The following TSR1 variants were observed in gnomAD, a reference collection of about 807,000 sequenced individuals.
TSR1 encodes the protein TSR1 ribosome maturation factor, also known as pre-rRNA-processing protein TSR1 homolog.
TSR1 carries 81 observed loss-of-function variants against 90.9 expected under a neutral mutation model. The ratio of observed to expected loss-of-function variants is 0.89; its 90% CI spans 0.74 to 1.07. TSR1 has a LOEUF of 1.07. Ranked by LOEUF, TSR1 falls within the 50% of genes least tolerant of loss-of-function variation. The probability of loss-of-function intolerance (pLI) is 0.00; values close to 1 mark genes in which losing one functional copy is unlikely to be tolerated. For synonymous variants in TSR1, 362 were observed against 348.8 expected (o/e 1.04, Z -0.42); for missense variants, 989 against 987.3 (o/e 1.00, Z -0.02).
In TSR1 at chr17:2,323,002, T is replaced by C. The variant is rs2075546042; in HGVS notation, c.*1194A>G. ...CTGGTCTTGAACTCCTGACCTCAGCTGATCCACCCGCCTCGGGCTCCCAAA... is the reference window on the plus strand; with the variant it reads ...CTGGTCTTGAACTCCTGACCTCAGCCGATCCACCCGCCTCGGGCTCCCAAA... On this transcript the variant is annotated 3_prime_UTR_variant, in exon 15 of 15. Transcript: ENST00000301364. The C allele has an allele frequency of 1.2e-6, 1 of 845,820 alleles. No homozygotes were observed. The highest frequency in any genetic ancestry group is 2.4e-5 in the Admixed American group (1 of 41,910). 52.4% of individuals were successfully genotyped at this position (845,820 alleles called of 1,614,324 possible).
In TSR1 at chr17:2,324,190, A is replaced by T; in HGVS notation, c.*6T>A. ...GCACCGGTAAGACAGAATCTCTTTG[A>T]ATCCATTACTCCATGCCCCCTTGAG... On this transcript the variant is annotated 3_prime_UTR_variant, in exon 15 of 15. Coordinates refer to ENST00000301364, the MANE Select transcript of TSR1 (RefSeq NM_018128.5). The T allele has an allele frequency of 1.3e-6, 2 of 1,516,058 alleles. No individual in the cohort carries two copies. The highest frequency in any genetic ancestry group is 1.9e-4 in the Middle Eastern group (1 of 5,380). 93.9% of individuals were successfully genotyped at this position (1,516,058 alleles called of 1,614,324 possible).
Position 2,335,464 on chromosome 17 carries a change from AAT to A in TSR1, c.421+45_421+46del, listed in dbSNP as rs1555585101. 3.2e-6 allele frequency: 5 copies of A among 1,583,840 alleles called. No homozygotes were observed. In the African/African-American group the frequency reaches 4.1e-5, roughly 13 times the overall value. On this transcript the variant is annotated intron_variant, in intron 3 of 14. Coordinates refer to ENST00000301364, the MANE Select transcript of TSR1 (RefSeq NM_018128.5). ...CATTATTCTAAAAAAAAAAAAAAAA[AAT>A]ACCACTACTCAAACATAATACAAAA...
Position 2,333,094 on chromosome 17 carries a change from T to A in TSR1, c.1172A>T (p.Lys391Met). The change falls in exon 7 of 15, where the codon AAG becomes ATG. Residue 391 changes from lysine to methionine, a missense_variant. Transcript: ENST00000301364. ...ACTGGATGTTCCTTTGGGGACCTTC[T>A]TTACCACCTTAGAACTTTCCTTCAA... ...DFLKESSKVV[K>M]KVPKGTSSYQ... 1 of 1,614,112 alleles carries A rather than the reference T, an allele frequency of 6.2e-7. No individual in the cohort carries two copies. The highest frequency in any genetic ancestry group is 8.5e-7 in the Non-Finnish European group (1 of 1,179,998).
At position 2,323,405 on chromosome 17, in the gene TSR1, A is replaced by G. The variant is rs1597271828; in HGVS notation, c.*791T>C. On this transcript the variant is annotated 3_prime_UTR_variant, in exon 15 of 15. Transcript: ENST00000301364. ...TGGTGTAACTTCTTAGGCAGAAGAA[A>G]CTTCCCTTAGGAGTAGCAAGTGACC... 12 of 1,598,008 alleles carry G rather than the reference A, an allele frequency of 7.5e-6. No individual in the cohort carries two copies. The East Asian group carries it at 2.2e-4, about 30-fold the overall frequency.
chr17:2,331,828 C>G (rs1394157185), intron 8 of TSR1, among the ~76,000 whole-genome samples: 1 of 152,214 alleles, frequency 6.6e-6, no homozygotes, highest in Non-Finnish European at 1.5e-5. Flanking sequence ...TCTACTTCTT[C>G]ACTCTTCTAC....
Position 2,330,946 on chromosome 17 carries a change from C to T in TSR1, c.1659+1G>A, listed in dbSNP as rs776685696. The T allele has an allele frequency of 2.1e-5, 33 of 1,583,510 alleles. No individual in the cohort carries two copies. Among genetic ancestry groups the T allele is most frequent in the Non-Finnish European group, 2.6e-5 (31 of 1,169,938 alleles). Reference sequence around the variant, plus strand: ...ACAAGATGAACAAGGAGGATAGATACCTCAGCTCCTTCAACCTCTTTTTCT... The same window carrying T: ...ACAAGATGAACAAGGAGGATAGATATCTCAGCTCCTTCAACCTCTTTTTCT... On this transcript the variant is annotated splice_donor_variant, in intron 9 of 14. Transcript: ENST00000301364. LOFTEE classifies it high-confidence loss of function.
rs61733093 is a variant in TSR1 at position 2,335,383 on chromosome 17, C to T, written c.433G>A (p.Val145Ile). The T allele has an allele frequency of 2.3e-3, 3,696 of 1,612,506 alleles. 90 individuals carry two copies. In the African/African-American group the frequency reaches 0.043, roughly 19 times the overall value. The change falls in exon 4 of 15, where the codon GTT (valine) becomes ATT (isoleucine). Residue 145 changes from valine to isoleucine, a missense_variant. By Grantham distance (29) the Val-to-Ile change is conservative. Transcript: ENST00000301364. ...GCTACTTTAGCCATGTCTAACACAA[C>T]GTGCAGATCCCCTGCAGATAGAAGA... ...FTSARPGDLH[V>I]VLDMAKVADT...
chr17:2,329,438 C>T lies in TSR1; in HGVS notation c.1808G>A (p.Gly603Asp). 1.9e-6 allele frequency: 3 copies of T among 1,614,118 alleles called. No individual in the cohort carries two copies. The highest frequency in any genetic ancestry group is 2.5e-6 in the Non-Finnish European group (3 of 1,180,030). ...CTTGGCTTTCACAGGTTCAGTGTTG[C>T]CAGGGTCACGCCTCACCACCATATT... ...VLNMVVRRDP[G>D]NTEPVKAKEE... The change falls in exon 11 of 15, where the codon GGC (glycine) becomes GAC (aspartate). Residue 603 changes from glycine to aspartate, a missense_variant. By Grantham distance (94) the Gly-to-Asp change is moderately conservative. Coordinates refer to ENST00000301364, the MANE Select transcript of TSR1 (RefSeq NM_018128.5).
At chr17:2,329,922 CT>C (rs879573174) in intron 10 of TSR1, among the ~76,000 whole-genome samples, 384 of 145,764 alleles carry the variant, frequency 2.6e-3, no homozygotes, top group Non-Finnish European at 2.8e-3. Context: ...TTGGCATAAA[CT>C]TTTTTTTTTT....
Position 2,324,386 on chromosome 17 carries a change from T to C in TSR1, c.2237-12A>G. 6.3e-7 allele frequency: 1 copy of C among 1,583,144 alleles called. No individual in the cohort carries two copies. Among genetic ancestry groups the C allele is most frequent in the Non-Finnish European group, 8.6e-7 (1 of 1,166,592 alleles). ...GTGGCCATGGGTACCTAGAAAGACA[T>C]CAGAACAAGTCGGTCAAATTAAAAG... On this transcript the variant is annotated splice_polypyrimidine_tract_variant and intron_variant, in intron 14 of 14. Transcript: ENST00000301364.
intron 8 of TSR1, 118 bp downstream of exon 8, chr17:2,332,051 C>T (rs1208255621): frequency 8.8e-7 from 1 of 1,139,228 alleles, no homozygotes; most frequent in Non-Finnish European, 1.3e-6. Context: ...AATGTTAGCT[C>T]TTCAGGAGCA....
chr17:2,324,136 T>C lies in TSR1; in HGVS notation c.*60A>G. The stretch of plus-strand genomic sequence containing the variant: ...AAATAAACTTTGCCCAATCACAACT[T>C]GTGCCTCCCATCCCTGGAGTACTGA... On this transcript the variant is annotated 3_prime_UTR_variant, in exon 15 of 15. Coordinates refer to ENST00000301364, the MANE Select transcript of TSR1 (RefSeq NM_018128.5). 6.6e-7 allele frequency: 1 copy of C among 1,505,792 alleles called. No individual in the cohort carries two copies. The highest frequency in any genetic ancestry group is 8.8e-7 in the Non-Finnish European group (1 of 1,130,210). 93.3% of individuals were successfully genotyped at this position (1,505,792 alleles called of 1,614,324 possible).
At chr17:2,328,722 C>G (rs1254048560) in intron 11 of TSR1, among the ~76,000 whole-genome samples, 2 of 151,410 alleles carry the variant, frequency 1.3e-5, no homozygotes, top group African/African-American at 4.9e-5. Flanking sequence ...AGAGACCATC[C>G]TGGCTAACAC....
chr17:2,333,163 C>G (rs1245956032), intron 6 of TSR1, 39 bp from the exon 7 acceptor site: 3 of 1,608,344 alleles, frequency 1.9e-6, no homozygotes, highest in Admixed American at 1.7e-5. Context: ...TTACAGACTT[C>G]TTTTCCCTAT....
chr17:2,335,232 G>T (rs748029110), intron 4 of TSR1, 28 bp downstream of exon 4: 1 of 1,608,518 alleles, frequency 6.2e-7, no homozygotes. Flanking sequence ...ACAAATTAAA[G>T]GTGCACAATA....
Position 2,336,339 on chromosome 17 carries a change from T to G in TSR1, c.89A>C (p.Asp30Ala). 6.2e-7 allele frequency: 1 copy of G among 1,614,088 alleles called. No individual in the cohort carries two copies. Among genetic ancestry groups the G allele is most frequent in the East Asian group, 2.2e-5 (1 of 44,892 alleles). The change falls in exon 1 of 15, where the codon GAC becomes GCC. Residue 30 changes from aspartate (D) to alanine (A), a missense_variant. Physicochemically the swap from Asp to Ala is moderately radical, Grantham distance 126 (BLOSUM62 -2). Coordinates refer to ENST00000301364, the MANE Select transcript of TSR1 (RefSeq NM_018128.5). ...CTACGTTATCTCCTTACCCTTGCCG[T>G]CCCGCTGTGCAGATCCCCGACCCCG... ...RHRGRGSAQR[D>A]GKGRLALKTL...
In TSR1 at chr17:2,322,489, A is replaced by C. The variant is rs889887292; in HGVS notation, c.*1707T>G. ...GCTCTTACTTGGGCAGAAATGTATTACTTATTGTGCCTATTTTCTTTTTTT... is the reference window on the plus strand; with the variant it reads ...GCTCTTACTTGGGCAGAAATGTATTCCTTATTGTGCCTATTTTCTTTTTTT... On this transcript the variant is annotated 3_prime_UTR_variant, in exon 15 of 15. Transcript: ENST00000301364. The C allele has an allele frequency of 6.6e-6, 1 of 152,036 alleles. No individual in the cohort carries two copies. The highest frequency in any genetic ancestry group is 1.5e-5 in the Non-Finnish European group (1 of 68,104). The allele number at this position is 152,036 out of a possible 1,614,324, so 9.4% of individuals were successfully genotyped here.
chr17:2,327,169 C>A (rs1179502131), intron 11 of TSR1, among the ~76,000 whole-genome samples: 3 of 151,928 alleles, frequency 2.0e-5, no homozygotes, highest in East Asian at 3.9e-4. Context: ...TAAATCCCAG[C>A]ACTTTGGGAG....
chr17:2,326,874 G>A (rs1470979938), intron 11 of TSR1, among the ~76,000 whole-genome samples: 1 of 152,190 alleles, frequency 6.6e-6, no homozygotes, highest in Non-Finnish European at 1.5e-5. Flanking sequence ...GGAGGCCAAT[G>A]CGGGTGGATC....
Sources: gnomAD v4.1 joint callset for allele counts (sites outside exome capture counted in the v4.1 genomes callset) on GRCh38, gnomAD v4.1.1 for gene constraint, MANE v1.5 for transcripts, NCBI Gene and HGNC (gene_info 2026-07-23, HGNC 2026-07-21) for gene names.